Variants in CNTLN observed in about 807,000 individuals in gnomAD.
CNTLN encodes the protein centlein, centrosomal protein.
In CNTLN, 212 loss-of-function variants were observed where a neutral mutation model predicts 180.0. The observed-to-expected ratio is 1.18, with a 90% CI of 1.05 to 1.32. The LOEUF (loss-of-function observed/expected upper bound fraction) is 1.32, where lower values mean the gene tolerates loss of function less well. Among genes scored for constraint, CNTLN ranks in the 40% most tolerant of loss-of-function variants. The pLI, the probability that CNTLN is intolerant of heterozygous loss-of-function variation, is 0.00. For synonymous variants in CNTLN, 722 were observed against 563.1 expected, an observed-to-expected ratio of 1.28 and a Z score of -3.99; for missense variants, 2,095 against 1,610.9, an observed-to-expected ratio of 1.30 and a Z score of -5.14.
chr9:17,206,717 A>C (rs1017550103), intron 2 of CNTLN, among the ~76,000 whole-genome samples: 1 of 152,190 alleles, frequency 6.6e-6, no homozygotes, highest in Non-Finnish European at 1.5e-5. Flanking sequence ...AATTGACCAC[A>C]AACAGTGGTC....
intron 2 of CNTLN, among the ~76,000 whole-genome samples, chr9:17,209,325 T>C (rs1418156050): frequency 6.6e-6 from 1 of 152,222 alleles, no homozygotes; most frequent in African/African-American, 2.4e-5. Flanking sequence ...GAATTTTTTA[T>C]TGAGTCACAT....
At chr9:17,200,583 A>G (rs1184065467) in intron 2 of CNTLN, among the ~76,000 whole-genome samples, 5 of 151,540 alleles carry the variant, frequency 3.3e-5, no homozygotes, top group Non-Finnish European at 7.4e-5. Context: ...TAGGTATTTT[A>G]TTTTCTTTGT....
intron 2 of CNTLN, among the ~76,000 whole-genome samples, chr9:17,146,027 T>C (rs1302792692): frequency 1.3e-5 from 2 of 152,182 alleles, no homozygotes; most frequent in Non-Finnish European, 2.9e-5. Context: ...TCAGTGTGAT[T>C]CTTGTTTCTT....
intron 2 of CNTLN, among the ~76,000 whole-genome samples, chr9:17,197,674 A>G (rs182320277): frequency 2.1e-4 from 32 of 152,258 alleles, no homozygotes; most frequent in Admixed American, 2.0e-3. Flanking sequence ...ATTGTCTCCT[A>G]TTCTGTGGCG....
chr9:17,182,906 G>C (rs941385721), intron 2 of CNTLN, among the ~76,000 whole-genome samples: 1 of 152,160 alleles, frequency 6.6e-6, no homozygotes, highest in African/African-American at 2.4e-5. Flanking sequence ...AGTGGGAGGG[G>C]CCCAGTTGAG....
chr9:17,178,637 C>A (rs1220445762), intron 2 of CNTLN, among the ~76,000 whole-genome samples: 1 of 151,500 alleles, frequency 6.6e-6, no homozygotes, highest in East Asian at 1.9e-4. Context: ...GGTGCTAAGC[C>A]CCTCACTGCC....
intron 3 of CNTLN, among the ~76,000 whole-genome samples, chr9:17,234,023 C>G (rs1368340934): frequency 6.6e-6 from 1 of 152,122 alleles, no homozygotes. Context: ...TGGTTACGTA[C>G]AGGACCTCTC....
chr9:17,271,200 C>G (rs1454906441), intron 5 of CNTLN, among the ~76,000 whole-genome samples: 2 of 152,062 alleles, frequency 1.3e-5, no homozygotes, highest in Non-Finnish European at 2.9e-5. Context: ...CTCAGCCTCC[C>G]AAAGTGCTGG....
chr9:17,460,817 T>C (rs952318965), intron 19 of CNTLN, among the ~76,000 whole-genome samples: 2 of 151,798 alleles, frequency 1.3e-5, no homozygotes, highest in South Asian at 4.1e-4. Context: ...TGTCAGGCTT[T>C]ATTTACTGCC....
downstream of CNTLN, among the ~76,000 whole-genome samples, chr9:17,506,616 G>T (rs1388014109): frequency 6.6e-6 from 1 of 152,076 alleles, no homozygotes; most frequent in Non-Finnish European, 1.5e-5. Flanking sequence ...TATTATGCAG[G>T]ATTCTTCCCA....
At chr9:17,378,287 C>T (rs1824945886) in intron 13 of CNTLN, among the ~76,000 whole-genome samples, 1 of 152,172 alleles carries the variant, frequency 6.6e-6, no homozygotes, top group Non-Finnish European at 1.5e-5. Context: ...TCAAGCAATT[C>T]TCCTGCCTCA....
At chr9:17,494,430 T>C (rs982202585) in intron 25 of CNTLN, among the ~76,000 whole-genome samples, 3 of 152,140 alleles carry the variant, frequency 2.0e-5, no homozygotes, top group African/African-American at 7.2e-5. Flanking sequence ...GGTAAACTCA[T>C]GTCGTGGGGG....
intron 2 of CNTLN, among the ~76,000 whole-genome samples, chr9:17,199,689 G>A (rs1822392292): frequency 6.6e-6 from 1 of 151,984 alleles, no homozygotes; most frequent in African/African-American, 2.4e-5. Flanking sequence ...TGATGGGGTT[G>A]TTTTTTTCTT....
In CNTLN at chr9:17,288,375, G is replaced by A. The variant is rs1436534949; in HGVS notation, c.984-9815G>A. The stretch of plus-strand genomic sequence containing the variant: ...TGATTGCACTGCGGTCTGAGAGATA[G>A]TTTGTTATAATTTCTGTTCTTTTAC... On this transcript the variant is annotated intron_variant, in intron 6 of 25. Transcript: ENST00000380647. Among the ~76,000 whole-genome samples, 2 of 128,438 alleles carry A rather than the reference G, an allele frequency of 1.6e-5. 1 individual carries two copies. Among genetic ancestry groups the A allele is most frequent in the African/African-American group, 6.7e-5 (2 of 29,956 alleles). 84.3% of individuals were successfully genotyped at this position (128,438 alleles called of 152,430 possible). A position where few individuals can be genotyped will look rare whatever the true frequency, so the allele number is the denominator to read the frequency against.
chr9:17,449,013 G>A (rs1465477649), intron 18 of CNTLN, among the ~76,000 whole-genome samples: 4 of 152,178 alleles, frequency 2.6e-5, no homozygotes, highest in African/African-American at 9.7e-5. Context: ...AAAGGAGTCA[G>A]AATGGGTATG....
chr9:17,365,001 A>G (rs1047464445), intron 12 of CNTLN, among the ~76,000 whole-genome samples: 1 of 152,084 alleles, frequency 6.6e-6, no homozygotes, highest in African/African-American at 2.4e-5. Flanking sequence ...CATTCAGCAG[A>G]TTGTTTTCTC....
At chr9:17,244,576 C>CGTG (rs933302128) in intron 5 of CNTLN, among the ~76,000 whole-genome samples, 39 of 151,958 alleles carry the variant, frequency 2.6e-4, no homozygotes, top group African/African-American at 9.2e-4. Context: ...AATATATATA[C>CGTG]GTGGAGAGTT....
At chr9:17,415,634 C>A (rs1486284828) in intron 16 of CNTLN, among the ~76,000 whole-genome samples, 154 bp from the exon 17 acceptor site, 1 of 151,982 alleles carries the variant, frequency 6.6e-6, no homozygotes, top group African/African-American at 2.4e-5. Context: ...AAACTCCTGG[C>A]CTCAAGCAGT....
chr9:17,230,520 AC>A (rs1371702560), intron 3 of CNTLN, among the ~76,000 whole-genome samples: 1 of 144,764 alleles, frequency 6.9e-6, no homozygotes, highest in Non-Finnish European at 1.5e-5. Context: ...CCCTCCCCTT[AC>A]CCCCTTAGGA....
Sources: allele counts gnomAD v4.1 joint callset (sites outside exome capture counted in the v4.1 genomes callset), GRCh38; gene constraint gnomAD v4.1.1; transcripts MANE v1.5; gene names NCBI Gene and HGNC (gene_info 2026-07-23, HGNC 2026-07-21).